Variants in PSPH observed in about 807,000 individuals in gnomAD.
PSPH encodes the protein phosphoserine phosphatase.
A neutral mutation model predicts 23.4 loss-of-function variants in PSPH; 16 were observed. That is an observed-to-expected ratio of 0.68 (90% CI 0.46 to 1.04). PSPH has a LOEUF of 1.04. Among genes scored for constraint, PSPH ranks in the 50% least tolerant of loss-of-function variants. The pLI, the probability that PSPH is intolerant of heterozygous loss-of-function variation, is 0.00. For missense variants in PSPH, 223 were observed against 273.7 expected, an observed-to-expected ratio of 0.81 and a Z score of 1.31; for synonymous variants, 68 against 99.7, an observed-to-expected ratio of 0.68 and a Z score of 1.89.
At chr7:56,039,008 T>C (rs1163418122) in intron 1 of PSPH, among the ~76,000 whole-genome samples, 4 of 151,960 alleles carry the variant, frequency 2.6e-5, no homozygotes, top group Non-Finnish European at 5.9e-5. Context: ...CTGGGTGTAG[T>C]GGTGCATACC....
At chr7:56,027,519 T>C (rs1790372190) in intron 3 of PSPH, among the ~76,000 whole-genome samples, 1 of 146,896 alleles carries the variant, frequency 6.8e-6, no homozygotes, top group Non-Finnish European at 1.5e-5. Context: ...AGGTCAGGAG[T>C]TCGAGACCAC....
intron 1 of PSPH, among the ~76,000 whole-genome samples, chr7:56,047,717 A>C (rs2117224241): frequency 6.8e-6 from 1 of 147,394 alleles, no homozygotes; most frequent in Non-Finnish European, 1.5e-5. Context: ...CCCAGGCTGG[A>C]GTGCAGTGGC....
intron 1 of PSPH, among the ~76,000 whole-genome samples, chr7:56,046,209 C>T (rs1793225072): frequency 6.6e-6 from 1 of 151,888 alleles, no homozygotes; most frequent in African/African-American, 2.4e-5. Flanking sequence ...CTATTTTGGC[C>T]CACTGCAACC....
chr7:56,021,594 G>GAT lies in PSPH; in HGVS notation c.-19-365_-19-364dup, dbSNP rs199712183. 2.6e-3 allele frequency among the ~76,000 whole-genome samples: 388 copies of GAT among 148,142 alleles called. 3 individuals are homozygous for GAT. Among genetic ancestry groups the GAT allele is most frequent in the African/African-American group, 8.7e-3 (353 of 40,458 alleles). The stretch of plus-strand genomic sequence containing the variant: ...TTGAAGCCATCTTTCTTTTCTTTTA[G>GAT]ATATATATATAGTTGTTTTTTTTTT... On this transcript the variant is annotated intron_variant, in intron 3 of 7. Transcript: ENST00000275605.
intron 1 of PSPH, among the ~76,000 whole-genome samples, chr7:56,047,324 C>CTGCA (rs1474613202): frequency 6.6e-6 from 1 of 151,320 alleles, no homozygotes; most frequent in Admixed American, 6.6e-5. Context: ...GAGGTTCAGG[C>CTGCA]TGCAGTAAGC....
intron 3 of PSPH, among the ~76,000 whole-genome samples, chr7:56,029,066 C>T (rs746708625): frequency 1.3e-5 from 2 of 152,014 alleles, no homozygotes; most frequent in African/African-American, 4.8e-5. Context: ...TCACCTGCCT[C>T]GGCCTCCCAA....
chr7:56,037,706 A>AT (rs71015167), intron 1 of PSPH, among the ~76,000 whole-genome samples: 4,843 of 115,056 alleles, frequency 0.042, 123 homozygotes, highest in African/African-American at 0.076. Flanking sequence ...AAGCTAACAA[A>AT]TTTTTTTTTT....
intron 1 of PSPH, among the ~76,000 whole-genome samples, chr7:56,037,706 ATTTTTT>A (rs71015167): frequency 1.7e-5 from 2 of 115,304 alleles, no homozygotes; most frequent in Admixed American, 9.8e-5. Flanking sequence ...AAGCTAACAA[ATTTTTT>A]TTTTTTTTTT....
At chr7:56,025,129 A>C (rs1261409228) in intron 3 of PSPH, among the ~76,000 whole-genome samples, 1 of 151,988 alleles carries the variant, frequency 6.6e-6, no homozygotes, top group Non-Finnish European at 1.5e-5. Flanking sequence ...AGCCATTAAC[A>C]TAATGTCTTT....
chr7:56,018,296 A>C (rs1788851580), intron 5 of PSPH, among the ~76,000 whole-genome samples: 4 of 152,058 alleles, frequency 2.6e-5, no homozygotes, highest in Admixed American at 2.6e-4. Flanking sequence ...GTGAGCCGAG[A>C]CTGCACCACT....
intron 7 of PSPH, among the ~76,000 whole-genome samples, chr7:56,013,180 C>CAA (rs201555027): frequency 6.7e-6 from 1 of 148,466 alleles, no homozygotes; most frequent in African/African-American, 2.4e-5. Context: ...CACACACACA[C>CAA]ACACACACAC....
chr7:56,050,529 G>A (rs1793886132), intron 1 of PSPH, among the ~76,000 whole-genome samples: 1 of 152,140 alleles, frequency 6.6e-6, no homozygotes, highest in South Asian at 2.1e-4. Flanking sequence ...TCCTCCCAAA[G>A]TGCTGGGATT....
intron 5 of PSPH, among the ~76,000 whole-genome samples, chr7:56,018,084 G>T (rs1055698603): frequency 6.6e-6 from 1 of 151,712 alleles, no homozygotes; most frequent in Non-Finnish European, 1.5e-5. Context: ...GGTGGCTCAC[G>T]CCTGTAATCC....
chr7:56,023,953 G>A (rs956014852), intron 3 of PSPH, among the ~76,000 whole-genome samples: 5 of 151,478 alleles, frequency 3.3e-5, no homozygotes, highest in African/African-American at 1.2e-4. Context: ...TTGAGACAGA[G>A]TCTGGCTCTG....
At chr7:56,046,707 C>T (rs1384374035) in intron 1 of PSPH, among the ~76,000 whole-genome samples, 2 of 151,222 alleles carry the variant, frequency 1.3e-5, no homozygotes, top group African/African-American at 4.9e-5. Flanking sequence ...TCACTTGAAC[C>T]CAGAAGGTGG....
At position 56,015,084 on chromosome 7, in the gene PSPH, T is replaced by C. The variant is rs1788401716; in HGVS notation, c.509A>G (p.His170Arg). 2.5e-6 allele frequency: 4 copies of C among 1,614,116 alleles called. No homozygotes were observed. The highest frequency in any genetic ancestry group is 2.5e-6 in the Non-Finnish European group (3 of 1,179,960). The change falls in exon 7 of 8, where the codon CAT (histidine) becomes CGT (arginine). Residue 170 changes from histidine (H) to arginine (R), a missense_variant. Transcript: ENST00000275605. ...TCCAATCATGATTATTTTCTTAAAATGAAATTTTTCCTTTAAAAGTTTAAT... is the reference window on the plus strand; with the variant it reads ...TCCAATCATGATTATTTTCTTAAAACGAAATTTTTCCTTTAAAAGTTTAAT... Reference protein sequence around the residue: ...KVIKLLKEKFHFKKIIMIGDG... With the variant: ...KVIKLLKEKFRFKKIIMIGDG...
chr7:56,027,887 TAAA>T (rs11445778), intron 3 of PSPH, among the ~76,000 whole-genome samples: 5 of 74,734 alleles, frequency 6.7e-5, no homozygotes, highest in Non-Finnish European at 7.6e-5. Context: ...ATTCTTTCTC[TAAA>T]AAAAAAAAAA....
At chr7:56,032,741 A>G (rs1791192221) in intron 2 of PSPH, among the ~76,000 whole-genome samples, 1 of 152,078 alleles carries the variant, frequency 6.6e-6, no homozygotes, top group African/African-American at 2.4e-5. Context: ...GCTTGAGCCC[A>G]GGAGTTCAAG....
intron 3 of PSPH, among the ~76,000 whole-genome samples, chr7:56,028,798 T>G (rs2116856750): frequency 1.3e-5 from 2 of 152,086 alleles, no homozygotes; most frequent in South Asian, 4.2e-4. Context: ...CTGTACACTT[T>G]TGATTTCCTC....
Sources: gnomAD v4.1 joint callset for allele counts (sites outside exome capture counted in the v4.1 genomes callset) on GRCh38, gnomAD v4.1.1 for gene constraint, MANE v1.5 for transcripts, NCBI Gene and HGNC (gene_info 2026-07-23, HGNC 2026-07-21) for gene names.